Variants in FBXL17 observed in about 807,000 individuals in gnomAD.
FBXL17 encodes the protein F-box and leucine rich repeat protein 17, also known as F-box/LRR-repeat protein 17.
Under a neutral mutation model 66.2 loss-of-function variants are expected in FBXL17, and 22 were observed. The observed-to-expected ratio is 0.33, with a 90% CI of 0.24 to 0.47. FBXL17 has a LOEUF of 0.47. Ranked by LOEUF, FBXL17 falls within the 20% of genes least tolerant of loss-of-function variation. The probability of loss-of-function intolerance (pLI) is 1.00; values close to 1 mark genes in which losing one functional copy is unlikely to be tolerated. For synonymous variants in FBXL17, 474 were observed against 400.5 expected, an observed-to-expected ratio of 1.18 and a Z score of -2.19; for missense variants, 878 against 948.2, an observed-to-expected ratio of 0.93 and a Z score of 0.97.
At chr5:108,335,968 C>G (rs1450584433) in intron 4 of FBXL17, among the ~76,000 whole-genome samples, 1 of 152,006 alleles carries the variant, frequency 6.6e-6, no homozygotes, top group Non-Finnish European at 1.5e-5. Context: ...GCAGAACCAA[C>G]ACTTGTCCAA....
chr5:107,963,594 C>G (rs993554603), intron 7 of FBXL17, among the ~76,000 whole-genome samples: 1 of 151,938 alleles, frequency 6.6e-6, no homozygotes, highest in South Asian at 2.1e-4. Context: ...TCCTTTAAAA[C>G]GAGGATAGCA....
At chr5:108,222,672 CTT>C (rs34291617) in intron 5 of FBXL17, among the ~76,000 whole-genome samples, 5,724 of 117,230 alleles carry the variant, frequency 0.049, 189 homozygotes, top group African/African-American at 0.17. Flanking sequence ...ACTATGGCAT[CTT>C]TTTTTTTTTT....
chr5:108,222,022 A>G (rs1287432553), intron 5 of FBXL17, among the ~76,000 whole-genome samples: 1 of 152,226 alleles, frequency 6.6e-6, no homozygotes, highest in African/African-American at 2.4e-5. Context: ...CTGTAATACA[A>G]GTCCAATAGA....
chr5:107,906,885 T>C (rs1002623864), intron 7 of FBXL17, among the ~76,000 whole-genome samples: 2 of 152,210 alleles, frequency 1.3e-5, no homozygotes, highest in Non-Finnish European at 2.9e-5. Flanking sequence ...ATAATACTAC[T>C]GTTACATTAA....
rs1163903068 is a variant in FBXL17 at position 108,381,305 on chromosome 5, G to C, written c.387C>G (p.Ala129=). ...FLLSSAAAAA[A]AAASASSPAS... is the part of the protein sequence containing the mutation. ...CGGGCGACGAAGCCGAGGCGGCAGC[G>C]GCGGCGGCGGCGGCGGCCGAGGATA... Residue 129 remains alanine, a synonymous_variant, in exon 1 of 9, where the codon GCC becomes GCG. Transcript: ENST00000542267. The C allele has an allele frequency of 7.4e-7, 1 of 1,353,602 alleles. No homozygotes were observed. Among genetic ancestry groups the C allele is most frequent in the South Asian group, 1.8e-5 (1 of 56,464 alleles). The allele number at this position is 1,353,602 out of a possible 1,614,324, so 83.8% of individuals were successfully genotyped here.
chr5:107,932,885 G>T (rs913999306), intron 7 of FBXL17, among the ~76,000 whole-genome samples: 9 of 152,056 alleles, frequency 5.9e-5, no homozygotes, highest in African/African-American at 2.2e-4. Context: ...AAGATGTCTC[G>T]TTCAGTGTTG....
chr5:108,105,746 CA>C (rs1749770746), intron 6 of FBXL17, among the ~76,000 whole-genome samples: 2 of 145,352 alleles, frequency 1.4e-5, no homozygotes, highest in South Asian at 5.1e-4. Context: ...TCTGCTGATA[CA>C]ACTAACTTTA....
intron 1 of FBXL17, among the ~76,000 whole-genome samples, chr5:108,379,652 T>C (rs773982721): frequency 1.3e-5 from 2 of 152,242 alleles, no homozygotes; most frequent in African/African-American, 2.4e-5. Context: ...AGGTTATTTA[T>C]GGCTAGTCTC....
chr5:108,160,444 T>C (rs1015422650), intron 6 of FBXL17, among the ~76,000 whole-genome samples: 1 of 152,166 alleles, frequency 6.6e-6, no homozygotes, highest in Non-Finnish European at 1.5e-5. Flanking sequence ...TACTTTCTTG[T>C]GAAACAAAGA....
rs1268642771 is a variant in FBXL17 at position 108,154,614 on chromosome 5, T to TAC, written c.1745+31502_1745+31503insGT. ...TCAAAAAAAAAAAAAAAAATATATA[T>TAC]ATACACACACACACACACACACACA... On this transcript the variant is annotated intron_variant, in intron 6 of 8. Coordinates refer to ENST00000542267, the MANE Select transcript of FBXL17 (RefSeq NM_001163315.3). 4.2e-3 allele frequency among the ~76,000 whole-genome samples: 410 copies of TAC among 98,268 alleles called. 5 individuals are homozygous for TAC. Among genetic ancestry groups the TAC allele is most frequent in the African/African-American group, 0.014 (378 of 26,750 alleles). 64.5% of individuals were successfully genotyped at this position (98,268 alleles called of 152,430 possible).
intron 5 of FBXL17, among the ~76,000 whole-genome samples, chr5:108,217,761 C>T (rs1235347953): frequency 6.6e-6 from 1 of 152,192 alleles, no homozygotes; most frequent in East Asian, 1.9e-4. Context: ...ATTCTTCAAC[C>T]AGCACCTCCT....
chr5:108,089,435 T>G (rs1447894901), intron 6 of FBXL17, among the ~76,000 whole-genome samples: 1 of 152,132 alleles, frequency 6.6e-6, no homozygotes, highest in East Asian at 1.9e-4. Context: ...CTATATTTCC[T>G]TCTAACCCAA....
intron 7 of FBXL17, among the ~76,000 whole-genome samples, chr5:108,001,067 C>A (rs887000699): frequency 2.0e-5 from 3 of 152,074 alleles, no homozygotes; most frequent in Admixed American, 1.3e-4. Context: ...AACTGTAAAG[C>A]AACTAATAAT....
chr5:107,920,911 G>C (rs938274885), intron 7 of FBXL17, among the ~76,000 whole-genome samples: 3 of 152,010 alleles, frequency 2.0e-5, no homozygotes, highest in Non-Finnish European at 4.4e-5. Flanking sequence ...ATCTCACTAG[G>C]AACTAAGTTG....
chr5:107,897,429 A>G (rs1218537796), intron 7 of FBXL17, among the ~76,000 whole-genome samples: 1 of 152,154 alleles, frequency 6.6e-6, no homozygotes, highest in Non-Finnish European at 1.5e-5. Context: ...TTGGTTGTAC[A>G]GCAAGAAAGC....
At chr5:107,883,599 T>G (rs543555978) in intron 7 of FBXL17, among the ~76,000 whole-genome samples, 19 of 152,286 alleles carry the variant, frequency 1.2e-4, no homozygotes, top group Admixed American at 2.6e-4. Flanking sequence ...GGTCAACTTC[T>G]CAGAACTGAT....
chr5:108,026,344 T>C (rs933828587), intron 6 of FBXL17, among the ~76,000 whole-genome samples: 2 of 152,200 alleles, frequency 1.3e-5, no homozygotes, highest in African/African-American at 2.4e-5. Flanking sequence ...ATAAGATTAT[T>C]TCTGGAACAT....
At chr5:108,187,750 G>C (rs894668724) in intron 5 of FBXL17, among the ~76,000 whole-genome samples, 1 of 152,216 alleles carries the variant, frequency 6.6e-6, no homozygotes, top group Non-Finnish European at 1.5e-5. Flanking sequence ...GCTCCCTTCA[G>C]AAACACAATC....
At chr5:108,122,920 C>A (rs1273162375) in intron 6 of FBXL17, among the ~76,000 whole-genome samples, 4 of 151,954 alleles carry the variant, frequency 2.6e-5, no homozygotes, top group Non-Finnish European at 5.9e-5. Flanking sequence ...ATTAGCCTAA[C>A]ATTTAGTTTA....
Sources: gnomAD v4.1 joint callset for allele counts (sites outside exome capture counted in the v4.1 genomes callset) on GRCh38, gnomAD v4.1.1 for gene constraint, MANE v1.5 for transcripts, NCBI Gene and HGNC (gene_info 2026-07-23, HGNC 2026-07-21) for gene names.